The following MMP2 variants were observed in gnomAD, a reference collection of about 807,000 sequenced individuals.
MMP2 encodes matrix metallopeptidase 2, also known as 72 kDa type IV collagenase.
Under a neutral mutation model 74.8 loss-of-function variants are expected in MMP2, and 39 were observed. That is an observed-to-expected ratio of 0.52 (90% CI 0.40 to 0.68). The LOEUF (loss-of-function observed/expected upper bound fraction) is 0.68. Ranked by LOEUF, MMP2 falls within the 30% of genes least tolerant of loss-of-function variation. MMP2 has a pLI of 0.00. For missense variants in MMP2, 803 were observed against 878.3 expected (o/e 0.91, Z 1.08); for synonymous variants, 367 against 339.8 (o/e 1.08, Z -0.88).
At chr16:55,490,973 G>A (rs1388265872) in intron 7 of MMP2, among the ~76,000 whole-genome samples, 3 of 152,038 alleles carry the variant, frequency 2.0e-5, no homozygotes, top group African/African-American at 4.8e-5. Context: ...AAATCACGGC[G>A]TCAGTAAGGC....
At chr16:55,498,835 C>T (rs141521946) in intron 11 of MMP2, among the ~76,000 whole-genome samples, 87 of 152,276 alleles carry the variant, frequency 5.7e-4, no homozygotes, top group African/African-American at 2.0e-3. Flanking sequence ...ATTATTATTC[C>T]TCCCATTTTA....
chr16:55,495,565 C>T (rs368322180), intron 9 of MMP2, among the ~76,000 whole-genome samples: 19 of 152,256 alleles, frequency 1.2e-4, no homozygotes, highest in African/African-American at 4.6e-4. Context: ...TTTATTTAGT[C>T]ATTGATGTAG....
chr16:55,503,808 C>T (rs1487713283), intron 12 of MMP2, among the ~76,000 whole-genome samples: 3 of 152,120 alleles, frequency 2.0e-5, no homozygotes, highest in South Asian at 2.1e-4. Context: ...GCACATGCCT[C>T]ATTTACAGGA....
At chr16:55,488,882 C>G in intron 6 of MMP2, 166 bp downstream of exon 6, 1 of 740,802 alleles carries the variant, frequency 1.3e-6, no homozygotes, top group Admixed American at 2.2e-5. Context: ...AGTCAGGATA[C>G]TTGTCACCTG....
upstream of MMP2, chr16:55,479,074 A>T (rs1596802677): frequency 2.2e-5 from 1 of 44,842 alleles, no homozygotes; most frequent in Non-Finnish European, 4.1e-5. Flanking sequence ...AAAGTGGAGG[A>T]GGGCGAGTAG....
intron 9 of MMP2, among the ~76,000 whole-genome samples, chr16:55,493,991 C>T (rs1962476960): frequency 6.6e-6 from 1 of 152,190 alleles, no homozygotes; most frequent in Non-Finnish European, 1.5e-5. Flanking sequence ...CAGGCAGTAT[C>T]TAGGACCTCA....
chr16:55,479,978 C>CGGG (rs752333662), intron 1 of MMP2: 74 of 126,076 alleles, frequency 5.9e-4, no homozygotes, highest in African/African-American at 1.7e-3. Flanking sequence ...GGACATTTGG[C>CGGG]GGGGGGGGGG....
intron 1 of MMP2, chr16:55,481,715 T>G (rs1962107728): frequency 1.6e-6 from 1 of 624,048 alleles, no homozygotes; most frequent in South Asian, 2.0e-5. Context: ...AAGATAACTC[T>G]GGACTTAGAC....
Position 55,496,962 on chromosome 16 carries a change from C to T in MMP2, c.1509C>T (p.Pro503=), listed in dbSNP as rs1310156011. 1.9e-6 allele frequency: 3 copies of T among 1,614,038 alleles called. No homozygotes were observed. Among genetic ancestry groups the T allele is most frequent in the African/African-American group, 1.3e-5 (1 of 74,934 alleles). ...IWRTVTPRDK[P]MGPLLVATFW... ...GGACTGTGACGCCACGTGACAAGCCCATGGGGCCCCTGCTGGTGGCCACAT... is the reference window on the plus strand; with the variant it reads ...GGACTGTGACGCCACGTGACAAGCCTATGGGGCCCCTGCTGGTGGCCACAT... The change falls in exon 10 of 13, where the codon CCC becomes CCT. Residue 503 remains proline, a synonymous_variant. Coordinates refer to ENST00000219070, the MANE Select transcript of MMP2 (RefSeq NM_004530.6).
chr16:55,505,311 G>T (rs773774651), intron 12 of MMP2, 28 bp from the exon 13 acceptor site: 6 of 1,579,778 alleles, frequency 3.8e-6, no homozygotes, highest in African/African-American at 1.3e-5. Flanking sequence ...GGATAAGGGG[G>T]TCACGGTCTC....
chr16:55,502,935 A>G (rs771287779), intron 12 of MMP2, 47 bp downstream of exon 12: 2 of 1,469,262 alleles, frequency 1.4e-6, no homozygotes, highest in South Asian at 2.3e-5. Flanking sequence ...CCCCGCCCCT[A>G]GCCAGGGCCC....
chr16:55,491,433 C>T, intron 7 of MMP2, among the ~76,000 whole-genome samples: 1 of 152,078 alleles, frequency 6.6e-6, no homozygotes, highest in East Asian at 1.9e-4. Flanking sequence ...GTTTGTAGAG[C>T]TCATCTTTTA....
chr16:55,492,426 A>ATTAT (rs3996855), intron 8 of MMP2, among the ~76,000 whole-genome samples: 1,763 of 143,462 alleles, frequency 0.012, 10 homozygotes, highest in Admixed American at 0.028. Flanking sequence ...CCTTAAGCCA[A>ATTAT]TTATTTATTT....
rs1962549506 is a variant in MMP2, at chr16:55,497,067, G to A, written c.1609+5G>A. 1.2e-6 allele frequency: 2 copies of A among 1,613,958 alleles called. No individual in the cohort carries two copies. The highest frequency in any genetic ancestry group is 3.3e-5 in the Admixed American group (2 of 60,012). On this transcript the variant is annotated splice_donor_5th_base_variant and intron_variant, in intron 10 of 12. Transcript: ENST00000219070. Reference sequence around the variant, plus strand: ...AGAAGGCTGTGTTCTTTGCAGGTGTGTGGGAAGCACCCTTCCTTGGCCCTC... The same window carrying A: ...AGAAGGCTGTGTTCTTTGCAGGTGTATGGGAAGCACCCTTCCTTGGCCCTC...
At chr16:55,505,237 G>C (rs1349356243) in intron 12 of MMP2, 102 bp from the exon 13 acceptor site, 3 of 1,002,814 alleles carry the variant, frequency 3.0e-6, no homozygotes, top group South Asian at 2.5e-5. Context: ...TCGTTTAAAA[G>C]CTTCTTCCCT....
chr16:55,500,540 G>C (rs1000206596), intron 11 of MMP2, among the ~76,000 whole-genome samples: 18 of 52,188 alleles, frequency 3.4e-4, no homozygotes, highest in East Asian at 2.6e-3. Context: ...CACACACACA[G>C]GCATGGAGGT....
intron 1 of MMP2, among the ~76,000 whole-genome samples, chr16:55,481,112 G>GT (rs1178514327): frequency 6.6e-6 from 1 of 152,168 alleles, no homozygotes; most frequent in Non-Finnish European, 1.5e-5. Context: ...TATTAAGAAG[G>GT]TAAAGGAATA....
intron 10 of MMP2, 88 bp downstream of exon 10, chr16:55,497,150 A>C: frequency 1.3e-6 from 2 of 1,572,732 alleles, no homozygotes; most frequent in Non-Finnish European, 1.7e-6. Context: ...TCCCCCTCTC[A>C]AACCACAGTT....
At chr16:55,503,250 C>G (rs17860012) in intron 12 of MMP2, among the ~76,000 whole-genome samples, 1 of 152,194 alleles carries the variant, frequency 6.6e-6, no homozygotes, top group Non-Finnish European at 1.5e-5. Context: ...TGACCACCTC[C>G]CATTAGCAGA....
Sources: gnomAD v4.1 joint callset for allele counts (sites outside exome capture counted in the v4.1 genomes callset) on GRCh38, gnomAD v4.1.1 for gene constraint, MANE v1.5 for transcripts, NCBI Gene and HGNC (gene_info 2026-07-23, HGNC 2026-07-21) for gene names.